Variants in ARHGAP25 observed in about 807,000 individuals in gnomAD.
The protein encoded by ARHGAP25 is rho GTPase-activating protein 25.
In ARHGAP25, 34 loss-of-function variants were observed where a neutral mutation model predicts 71.0. The ratio of observed to expected loss-of-function variants is 0.48; its 90% CI spans 0.36 to 0.64. The LOEUF (loss-of-function observed/expected upper bound fraction) is 0.64, where lower values mean the gene tolerates loss of function less well. Among genes scored for constraint, ARHGAP25 ranks in the 30% least tolerant of loss-of-function variants. The pLI, the probability that ARHGAP25 is intolerant of heterozygous loss-of-function variation, is 0.00. For missense variants in ARHGAP25, 706 were observed against 805.1 expected (o/e 0.88, Z 1.49); for synonymous variants, 282 against 296.5 (o/e 0.95, Z 0.50).
At chr2:68,769,446 C>T (rs531413429) in intron 1 of ARHGAP25, among the ~76,000 whole-genome samples, 49 of 152,090 alleles carry the variant, frequency 3.2e-4, no homozygotes, top group Admixed American at 1.7e-3. Flanking sequence ...AGATAGAATA[C>T]GGCTTACCCA....
intron 2 of ARHGAP25, among the ~76,000 whole-genome samples, chr2:68,726,657 A>G (rs1407195150): frequency 6.6e-6 from 1 of 152,226 alleles, no homozygotes; most frequent in Non-Finnish European, 1.5e-5. Context: ...ATAAAGATCA[A>G]TAGACTATCA....
At chr2:68,783,130 T>G (rs1038095930) in intron 3 of ARHGAP25, among the ~76,000 whole-genome samples, 1 of 152,210 alleles carries the variant, frequency 6.6e-6, no homozygotes, top group Non-Finnish European at 1.5e-5. Flanking sequence ...CAGCGTAGCA[T>G]AGAGGTTAGA....
chr2:68,772,031 C>T (rs1677521261), intron 1 of ARHGAP25, among the ~76,000 whole-genome samples: 1 of 152,162 alleles, frequency 6.6e-6, no homozygotes, highest in Non-Finnish European at 1.5e-5. Context: ...CGCACACGTG[C>T]TCCTAGGAGG....
chr2:68,744,660 G>A (rs779198230), intron 1 of ARHGAP25, among the ~76,000 whole-genome samples: 8 of 152,132 alleles, frequency 5.3e-5, no homozygotes, highest in Non-Finnish European at 1.0e-4. Context: ...TCTACAAGGG[G>A]CAAGTTTTTA....
chr2:68,736,383 C>A (rs562544081), intron 1 of ARHGAP25, among the ~76,000 whole-genome samples: 1 of 152,300 alleles, frequency 6.6e-6, no homozygotes, highest in South Asian at 2.1e-4. Context: ...ATACCTCTTA[C>A]AAAAGCAAGA....
chr2:68,804,605 G>A (rs1352853668), intron 4 of ARHGAP25, among the ~76,000 whole-genome samples: 2 of 152,112 alleles, frequency 1.3e-5, no homozygotes, highest in Non-Finnish European at 2.9e-5. Flanking sequence ...TTCATAACTT[G>A]TTGGCAAACT....
intron 2 of ARHGAP25, among the ~76,000 whole-genome samples, chr2:68,711,071 T>C (rs554267146): frequency 1.1e-4 from 16 of 152,316 alleles, no homozygotes; most frequent in African/African-American, 3.1e-4. Flanking sequence ...TCATACAGAA[T>C]GCAGCCCCCT....
At chr2:68,727,721 G>C (rs900853286) in intron 2 of ARHGAP25, among the ~76,000 whole-genome samples, 2 of 152,236 alleles carry the variant, frequency 1.3e-5, no homozygotes, top group African/African-American at 4.8e-5. Context: ...GAGGCAGCTG[G>C]AATAGGATTG....
rs1682143133 is a variant in ARHGAP25 at position 68,826,432 on chromosome 2, A to G, written c.*238A>G. ...GTATTCAAATGGATTGTTTTATTCC[A>G]TTCTGGTCTCAGGCATGACCACGTC... On this transcript the variant is annotated 3_prime_UTR_variant, in exon 11 of 11. Transcript: ENST00000409202. 3.3e-6 allele frequency: 2 copies of G among 613,264 alleles called. No homozygotes were observed. The highest frequency in any genetic ancestry group is 5.9e-6 in the Non-Finnish European group (2 of 336,408). The allele number at this position is 613,264 out of a possible 1,614,324, so 38.0% of individuals were successfully genotyped here.
At chr2:68,716,414 A>G (rs1309420950) in intron 2 of ARHGAP25, among the ~76,000 whole-genome samples, 1 of 152,180 alleles carries the variant, frequency 6.6e-6, no homozygotes, top group Non-Finnish European at 1.5e-5. Context: ...AATGATTCTT[A>G]ACTCTTCATT....
intron 2 of ARHGAP25, among the ~76,000 whole-genome samples, chr2:68,780,516 T>C (rs1436805941): frequency 1.3e-5 from 2 of 152,096 alleles, no homozygotes; most frequent in Non-Finnish European, 2.9e-5. Context: ...GAGGTTATTT[T>C]TAAATAATAA....
chr2:68,785,086 C>A lies in ARHGAP25; in HGVS notation c.350-2754C>A, dbSNP rs374183447. Among the ~76,000 whole-genome samples the A allele has an allele frequency of 1.8e-4, 28 of 152,124 alleles. No individual in the cohort carries two copies. The South Asian group carries it at 5.6e-3, about 30-fold the overall frequency. On this transcript the variant is annotated intron_variant, in intron 3 of 10. Transcript: ENST00000409202. Reference sequence around the variant, plus strand: ...ATATGTTCAAGGAAGGTCAAGGAGGCCAGTGTGGTTACAGTGAAGTGATGG... The same window carrying A: ...ATATGTTCAAGGAAGGTCAAGGAGGACAGTGTGGTTACAGTGAAGTGATGG...
At chr2:68,761,248 C>A (rs1170418042) in intron 1 of ARHGAP25, among the ~76,000 whole-genome samples, 3 of 151,974 alleles carry the variant, frequency 2.0e-5, no homozygotes, top group Non-Finnish European at 4.4e-5. Flanking sequence ...CAAAATGGAC[C>A]TATGAACTAA....
At chr2:68,782,413 T>G (rs1678408257) in intron 3 of ARHGAP25, 93 bp downstream of exon 3, 1 of 1,136,276 alleles carries the variant, frequency 8.8e-7, no homozygotes, top group East Asian at 2.4e-5. Flanking sequence ...ATTCGGAGAG[T>G]AATTCAACTA....
chr2:68,808,332 A>G (rs1027748208), intron 5 of ARHGAP25, among the ~76,000 whole-genome samples: 20 of 152,202 alleles, frequency 1.3e-4, no homozygotes, highest in African/African-American at 4.6e-4. Flanking sequence ...TGCTAAGCTT[A>G]TTTTGGACAA....
At chr2:68,765,428 A>G (rs1178050830) in intron 1 of ARHGAP25, among the ~76,000 whole-genome samples, 2 of 152,138 alleles carry the variant, frequency 1.3e-5, no homozygotes, top group African/African-American at 4.8e-5. Flanking sequence ...TAAAAAGATC[A>G]TTTATTATAT....
chr2:68,726,785 G>C (rs889526663), intron 2 of ARHGAP25, among the ~76,000 whole-genome samples: 4 of 152,222 alleles, frequency 2.6e-5, no homozygotes, highest in Non-Finnish European at 5.9e-5. Flanking sequence ...TCTGTGGTCT[G>C]AGCCCAGGAG....
intron 4 of ARHGAP25, among the ~76,000 whole-genome samples, chr2:68,795,729 G>A (rs1679493781): frequency 6.6e-6 from 1 of 152,124 alleles, no homozygotes; most frequent in South Asian, 2.1e-4. Context: ...TGAGAAGAAT[G>A]TGTATTTTGC....
chr2:68,737,061 A>C (rs1675260030), intron 1 of ARHGAP25, among the ~76,000 whole-genome samples: 1 of 152,200 alleles, frequency 6.6e-6, no homozygotes, highest in African/African-American at 2.4e-5. Flanking sequence ...TGAAAAAATA[A>C]TAATAAGGAC....
Sources: allele counts gnomAD v4.1 joint callset (sites outside exome capture counted in the v4.1 genomes callset), GRCh38; gene constraint gnomAD v4.1.1; transcripts MANE v1.5; gene names NCBI Gene and HGNC (gene_info 2026-07-23, HGNC 2026-07-21).